Variants in TENT4B observed in about 807,000 individuals in gnomAD.
TENT4B encodes PAP associated domain containing 5.
Under a neutral mutation model 75.0 loss-of-function variants are expected in TENT4B, and 10 were observed. That is an observed-to-expected ratio of 0.13 (90% CI 0.08 to 0.23). The LOEUF is 0.23. Ranked by LOEUF, TENT4B falls within the 10% of genes least tolerant of loss-of-function variation. The probability of loss-of-function intolerance (pLI) is 1.00; values close to 1 mark genes in which losing one functional copy is unlikely to be tolerated. For missense variants in TENT4B, 579 were observed against 893.8 expected, an observed-to-expected ratio of 0.65 and a Z score of 4.49; for synonymous variants, 350 against 357.7, an observed-to-expected ratio of 0.98 and a Z score of 0.24.
chr16:50,160,296 T>A (rs1488160991), intron 1 of TENT4B, among the ~76,000 whole-genome samples: 2 of 151,664 alleles, frequency 1.3e-5, no homozygotes, highest in East Asian at 3.9e-4. Context: ...GTGTTTGGAC[T>A]TTTTTTTTCC....
chr16:50,229,415 G>A lies in TENT4B; in HGVS notation c.*87G>A. The A allele has an allele frequency of 6.7e-7, 1 of 1,485,156 alleles. No individual in the cohort carries two copies. The highest frequency in any genetic ancestry group is 8.9e-7 in the Non-Finnish European group (1 of 1,125,332). 92.0% of individuals were successfully genotyped at this position (1,485,156 alleles called of 1,614,324 possible). ...AGGGACTCCTGGGAGATATTCAGGA[G>A]CCTCACACTGTTCAGACGTTGACTT... On this transcript the variant is annotated 3_prime_UTR_variant, in exon 12 of 12. Transcript: ENST00000561678.
chr16:50,158,654 C>G (rs1019637879), intron 1 of TENT4B, among the ~76,000 whole-genome samples: 1 of 152,152 alleles, frequency 6.6e-6, no homozygotes. Flanking sequence ...TTTGTCCAAG[C>G]TCATGATAGG....
intron 1 of TENT4B, among the ~76,000 whole-genome samples, chr16:50,178,333 C>T (rs1290793106): frequency 6.6e-6 from 1 of 151,336 alleles, no homozygotes; most frequent in African/African-American, 2.4e-5. Context: ...GTGGCATATA[C>T]CTGTATATGG....
intron 1 of TENT4B, among the ~76,000 whole-genome samples, chr16:50,200,974 T>G (rs1018453773): frequency 3.3e-5 from 5 of 150,478 alleles, no homozygotes; most frequent in South Asian, 2.1e-4. Flanking sequence ...TTTAAAAGAG[T>G]TTTTTTTTGT....
At chr16:50,157,775 A>AT (rs1417384306) in intron 1 of TENT4B, among the ~76,000 whole-genome samples, 2 of 146,622 alleles carry the variant, frequency 1.4e-5, no homozygotes, top group Non-Finnish European at 3.0e-5. Flanking sequence ...TATTTTTTTA[A>AT]TTTTTTTTGA....
chr16:50,198,882 A>G (rs2030455993), intron 1 of TENT4B, among the ~76,000 whole-genome samples: 2 of 152,234 alleles, frequency 1.3e-5, no homozygotes, highest in Admixed American at 6.5e-5. Flanking sequence ...GCTATCCATG[A>G]GAGTATATAT....
At chr16:50,169,487 A>T (rs1388143119) in intron 1 of TENT4B, among the ~76,000 whole-genome samples, 1 of 134,092 alleles carries the variant, frequency 7.5e-6, no homozygotes, top group Non-Finnish European at 1.5e-5. Flanking sequence ...TTGTGGTATT[A>T]GTTATTAATG....
chr16:50,153,051 C>T, upstream of TENT4B: 1 of 1,486,716 alleles, frequency 6.7e-7, no homozygotes, highest in Non-Finnish European at 8.9e-7. Context: ...GAGCACTCCA[C>T]AGATGGCGCA....
chr16:50,154,674 C>G (rs1181848253), intron 1 of TENT4B, among the ~76,000 whole-genome samples: 1 of 152,068 alleles, frequency 6.6e-6, no homozygotes, highest in Non-Finnish European at 1.5e-5. Context: ...ACGGGCCTAT[C>G]ATTCATTCCC....
chr16:50,218,573 C>T (rs1023864086), intron 5 of TENT4B, among the ~76,000 whole-genome samples: 17 of 151,846 alleles, frequency 1.1e-4, no homozygotes, highest in East Asian at 3.9e-4. Flanking sequence ...AGGCTGGTCT[C>T]GAACTCCTGA....
At chr16:50,204,270 G>A (rs950771206) in intron 1 of TENT4B, among the ~76,000 whole-genome samples, 11 of 152,148 alleles carry the variant, frequency 7.2e-5, no homozygotes, top group African/African-American at 1.9e-4. Flanking sequence ...CTCAGAGCAC[G>A]GTCAGGGAAG....
At chr16:50,193,153 G>A (rs1184613646) in intron 1 of TENT4B, among the ~76,000 whole-genome samples, 3 of 152,220 alleles carry the variant, frequency 2.0e-5, no homozygotes, top group African/African-American at 7.2e-5. Flanking sequence ...ATTGGGTGTG[G>A]TTTGCTGACT....
At chr16:50,226,492 C>T (rs757777318) in intron 10 of TENT4B, among the ~76,000 whole-genome samples, 6 of 152,112 alleles carry the variant, frequency 3.9e-5, no homozygotes, top group African/African-American at 7.2e-5. Context: ...AGTGCAGTGG[C>T]GCGATCTTGG....
chr16:50,172,184 T>G (rs369646837), intron 1 of TENT4B, among the ~76,000 whole-genome samples: 1 of 152,106 alleles, frequency 6.6e-6, no homozygotes, highest in East Asian at 1.9e-4. Context: ...ACCCCACCTC[T>G]ACTAAACAGA....
chr16:50,157,527 G>T (rs2037923565), intron 1 of TENT4B, among the ~76,000 whole-genome samples: 1 of 152,144 alleles, frequency 6.6e-6, no homozygotes, highest in Non-Finnish European at 1.5e-5. Flanking sequence ...ACTTCTTCAT[G>T]TACCCACAGA....
chr16:50,221,689 A>G (rs1043440253), intron 5 of TENT4B, among the ~76,000 whole-genome samples: 2 of 152,144 alleles, frequency 1.3e-5, no homozygotes, highest in African/African-American at 4.8e-5. Flanking sequence ...TCTGTTTACA[A>G]ATGAATATTA....
At chr16:50,216,829 A>AAT (rs2031583356) in intron 4 of TENT4B, among the ~76,000 whole-genome samples, 1 of 151,154 alleles carries the variant, frequency 6.6e-6, no homozygotes, top group African/African-American at 2.4e-5. Context: ...TATTTAAAAA[A>AAT]TTTTTTTTTG....
Position 50,234,594 on chromosome 16 carries a change from G to A in TENT4B, c.*5266G>A. On this transcript the variant is annotated 3_prime_UTR_variant, in exon 12 of 12. Transcript: ENST00000561678. ...CCTGAACTTAATCTCCTAATTTTAAGATCCTCTCTGATTTTTGCATATTGA... is the reference window on the plus strand; with the variant it reads ...CCTGAACTTAATCTCCTAATTTTAAAATCCTCTCTGATTTTTGCATATTGA... The A allele has an allele frequency of 1.0e-6, 1 of 983,792 alleles. No homozygotes were observed. Among genetic ancestry groups the A allele is most frequent in the Non-Finnish European group, 1.2e-6 (1 of 828,562 alleles). 60.9% of individuals were successfully genotyped at this position (983,792 alleles called of 1,614,324 possible).
chr16:50,233,263 T>C lies in TENT4B; in HGVS notation c.*3935T>C. On this transcript the variant is annotated 3_prime_UTR_variant, in exon 12 of 12. Transcript: ENST00000561678. The stretch of plus-strand genomic sequence containing the variant: ...ATATGAAATTCCTTAAAAGAGTTCA[T>C]CTTGCCTTGGTTTCTGACCCTCAAG... 1.0e-6 allele frequency: 1 copy of C among 985,426 alleles called. No homozygotes were observed. Among genetic ancestry groups the C allele is most frequent in the African/African-American group, 1.7e-5 (1 of 57,364 alleles). The allele number at this position is 985,426 out of a possible 1,614,324, so 61.0% of individuals were successfully genotyped here. A position where few individuals can be genotyped will look rare whatever the true frequency, so the allele number is the denominator to read the frequency against.
Sources: gnomAD v4.1 joint callset for allele counts (sites outside exome capture counted in the v4.1 genomes callset) on GRCh38, gnomAD v4.1.1 for gene constraint, MANE v1.5 for transcripts, NCBI Gene and HGNC (gene_info 2026-07-23, HGNC 2026-07-21) for gene names.